Variants in NAALADL2 observed in about 807,000 individuals in gnomAD.
The protein encoded by NAALADL2 is inactive N-acetylated-alpha-linked acidic dipeptidase-like protein 2.
In NAALADL2, 76 loss-of-function variants were observed where a neutral mutation model predicts 87.2. The ratio of observed to expected loss-of-function variants is 0.87; its 90% CI spans 0.72 to 1.05. The LOEUF (loss-of-function observed/expected upper bound fraction) is 1.05, where lower values mean the gene tolerates loss of function less well. Ranked by LOEUF, NAALADL2 falls within the 50% of genes least tolerant of loss-of-function variation. The probability of loss-of-function intolerance (pLI) is 0.00; values close to 1 mark genes in which losing one functional copy is unlikely to be tolerated. For missense variants in NAALADL2, 1,089 were observed against 945.8 expected, an observed-to-expected ratio of 1.15 and a Z score of -1.99; for synonymous variants, 354 against 331.0, an observed-to-expected ratio of 1.07 and a Z score of -0.75.
At chr3:175,713,536 C>G (rs1310339066) in intron 11 of NAALADL2, among the ~76,000 whole-genome samples, 1 of 151,986 alleles carries the variant, frequency 6.6e-6, no homozygotes, top group East Asian at 1.9e-4. Flanking sequence ...TCCATGCCTT[C>G]TGATATACAG....
rs148696333 is a variant in NAALADL2 at position 175,804,693 on chromosome 3, T to C, written c.*1490T>C. On this transcript the variant is annotated 3_prime_UTR_variant, in exon 14 of 14. Transcript: ENST00000454872. ...TGTTTAAATTTTCACTTTTTATGGA[T>C]GAGCATAAACCTAGTCTTAGTTTAA... 2.1e-3 allele frequency: 318 copies of C among 151,820 alleles called. 1 individual carries two copies. Among genetic ancestry groups the C allele is most frequent in the African/African-American group, 7.0e-3 (291 of 41,442 alleles). 9.4% of individuals were successfully genotyped at this position (151,820 alleles called of 1,614,324 possible).
intron 3 of NAALADL2, among the ~76,000 whole-genome samples, chr3:174,750,778 A>G (rs1462509943): frequency 6.6e-6 from 1 of 152,016 alleles, no homozygotes; most frequent in Non-Finnish European, 1.5e-5. Context: ...GAAAGTATCC[A>G]CTCATTGCTC....
intron 9 of NAALADL2, among the ~76,000 whole-genome samples, chr3:175,514,415 T>G (rs2149401955): frequency 6.6e-6 from 1 of 152,318 alleles, no homozygotes; most frequent in South Asian, 2.1e-4. Flanking sequence ...TTTCATCACA[T>G]TTTTCATTGT....
chr3:174,739,009 T>G (rs369221610), intron 3 of NAALADL2, among the ~76,000 whole-genome samples: 1 of 152,198 alleles, frequency 6.6e-6, no homozygotes, highest in African/African-American at 2.4e-5. Context: ...GATTAGCAGC[T>G]TATTTCTTAA....
At position 174,914,829 on chromosome 3, in the gene NAALADL2, T is replaced by C. The variant is rs561643625; in HGVS notation, c.43+55379T>C. Among the ~76,000 whole-genome samples the C allele has an allele frequency of 5.3e-5, 8 of 152,298 alleles. No individual in the cohort carries two copies. In the South Asian group the frequency reaches 1.7e-3, roughly 32 times the overall value. On this transcript the variant is annotated intron_variant, in intron 1 of 13. Transcript: ENST00000454872. ...ATTTGATGACCAGAGTCTTTGTAGC[T>C]GAGTGTCAGGGGTTTCAAACTCAAT...
chr3:175,033,782 G>A (rs147997644), intron 1 of NAALADL2, among the ~76,000 whole-genome samples: 17 of 152,116 alleles, frequency 1.1e-4, no homozygotes, highest in African/African-American at 3.9e-4. Context: ...CTCCTTACGT[G>A]GTTTAATCCA....
At chr3:174,831,319 C>G (rs374105199) in intron 3 of NAALADL2, among the ~76,000 whole-genome samples, 9,377 of 128,144 alleles carry the variant, frequency 0.073, 454 homozygotes, top group African/African-American at 0.14. Context: ...TAGCATGAAG[C>G]GTTGTTGAAT....
intron 1 of NAALADL2, among the ~76,000 whole-genome samples, chr3:174,492,458 G>T (rs969803125): frequency 3.9e-5 from 6 of 152,060 alleles, no homozygotes; most frequent in African/African-American, 1.4e-4. Context: ...AACAAAGACT[G>T]CTGGAATATT....
intron 1 of NAALADL2, among the ~76,000 whole-genome samples, chr3:175,013,127 T>TATATAATATATAG (rs376965136): frequency 1.2e-5 from 1 of 84,460 alleles, no homozygotes; most frequent in Non-Finnish European, 2.3e-5. Flanking sequence ...AATATACATA[T>TATATAATATATAG]TTATATATAA....
rs533557331 is a variant in NAALADL2 at position 175,093,268 on chromosome 3, T to C, written c.44-3522T>C. On this transcript the variant is annotated intron_variant, in intron 1 of 13. Transcript: ENST00000454872. ...GCTTCTGATAAAAAGAAACGTGATA[T>C]GTTTTTGTCTCACAGGGCAGAGGTG... Among the ~76,000 whole-genome samples the C allele has an allele frequency of 4.0e-5, 6 of 151,688 alleles. No homozygotes were observed. In the East Asian group the frequency reaches 1.2e-3, roughly 29 times the overall value.
intron 9 of NAALADL2, among the ~76,000 whole-genome samples, chr3:175,517,083 A>G (rs1731948181): frequency 6.6e-6 from 1 of 152,204 alleles, no homozygotes; most frequent in East Asian, 1.9e-4. Flanking sequence ...ATTTTTAATA[A>G]CAATTCAATC....
At chr3:174,711,374 C>G (rs1730615566) in intron 2 of NAALADL2, among the ~76,000 whole-genome samples, 1 of 152,112 alleles carries the variant, frequency 6.6e-6, no homozygotes, top group South Asian at 2.1e-4. Flanking sequence ...AAAAGCGGTT[C>G]TTATGAGAGG....
intron 2 of NAALADL2, among the ~76,000 whole-genome samples, chr3:174,683,259 T>A (rs1727721002): frequency 6.6e-6 from 1 of 151,954 alleles, no homozygotes; most frequent in African/African-American, 2.4e-5. Flanking sequence ...GCCTACAGGA[T>A]CTAGAAAGTA....
At chr3:175,602,209 G>T (rs1723059761) in intron 10 of NAALADL2, among the ~76,000 whole-genome samples, 2 of 151,968 alleles carry the variant, frequency 1.3e-5, no homozygotes, top group African/African-American at 2.4e-5. Flanking sequence ...AGGCAGAGAG[G>T]TATGATATAG....
chr3:175,493,948 A>T (rs1250781716), intron 9 of NAALADL2, among the ~76,000 whole-genome samples: 1 of 152,114 alleles, frequency 6.6e-6, no homozygotes, highest in South Asian at 2.1e-4. Flanking sequence ...GCTTGGATGT[A>T]TTGGTGTAAT....
chr3:175,286,455 G>C (rs994994731), intron 4 of NAALADL2, among the ~76,000 whole-genome samples: 15 of 152,102 alleles, frequency 9.9e-5, no homozygotes, highest in Admixed American at 7.9e-4. Context: ...AAGTGAGAAA[G>C]GATTTTACAA....
At chr3:175,059,782 A>G in intron 1 of NAALADL2, 1 of 306,884 alleles carries the variant, frequency 3.3e-6, no homozygotes, top group Non-Finnish European at 6.5e-6. Context: ...TGTCTTCTAC[A>G]TTAGCAGCAC....
intron 2 of NAALADL2, among the ~76,000 whole-genome samples, chr3:174,627,890 T>C (rs567817103): frequency 1.3e-5 from 2 of 152,220 alleles, no homozygotes; most frequent in Admixed American, 1.3e-4. Context: ...AAACAATGGG[T>C]ATGTACAGCC....
intron 5 of NAALADL2, among the ~76,000 whole-genome samples, chr3:175,424,716 G>A (rs568373568): frequency 3.9e-5 from 6 of 152,204 alleles, no homozygotes; most frequent in Middle Eastern, 3.4e-3. Flanking sequence ...GTCAGGTAGC[G>A]TGATGCCTCC....
Sources: gnomAD v4.1 joint callset for allele counts (sites outside exome capture counted in the v4.1 genomes callset) on GRCh38, gnomAD v4.1.1 for gene constraint, MANE v1.5 for transcripts, NCBI Gene and HGNC (gene_info 2026-07-23, HGNC 2026-07-21) for gene names.